Variants in SH3D19 observed in about 807,000 individuals in gnomAD.
The protein encoded by SH3D19 is SH3 domain-containing protein 19.
SH3D19 carries 58 observed loss-of-function variants against 112.1 expected under a neutral mutation model. The ratio of observed to expected loss-of-function variants is 0.52; its 90% CI spans 0.42 to 0.64. The LOEUF (loss-of-function observed/expected upper bound fraction) is 0.64. SH3D19 is among the 30% of genes least tolerant of loss of function. The pLI is 0.00. For missense variants in SH3D19, 1,090 were observed against 1,263.4 expected (o/e 0.86, Z 2.08); for synonymous variants, 391 against 448.5 (o/e 0.87, Z 1.62).
intron 1 of SH3D19, among the ~76,000 whole-genome samples, chr4:151,298,570 T>C (rs984189388): frequency 1.3e-5 from 2 of 152,184 alleles, no homozygotes; most frequent in Non-Finnish European, 2.9e-5. Context: ...GAGAGGCCTA[T>C]TAGATGTCGA....
chr4:151,167,125 T>C (rs919199741), intron 7 of SH3D19, among the ~76,000 whole-genome samples: 6 of 151,574 alleles, frequency 4.0e-5, no homozygotes, highest in African/African-American at 7.3e-5. Context: ...GTGAGGCTAG[T>C]CTTACGTTAA....
intron 1 of SH3D19, among the ~76,000 whole-genome samples, chr4:151,252,698 C>T (rs1195139437): frequency 6.6e-6 from 1 of 152,222 alleles, no homozygotes; most frequent in Non-Finnish European, 1.5e-5. Flanking sequence ...GCCTACTGGA[C>T]ATCTCCAGCT....
At chr4:151,214,254 T>C (rs1270996234) in intron 2 of SH3D19, among the ~76,000 whole-genome samples, 1 of 151,654 alleles carries the variant, frequency 6.6e-6, no homozygotes, top group Non-Finnish European at 1.5e-5. Flanking sequence ...ATGAAAAGTC[T>C]CCCATGTCTA....
rs1340037674 is a variant in SH3D19 at position 151,325,378 on chromosome 4, G to A, written c.-26C>T. 3.5e-6 allele frequency: 4 copies of A among 1,153,104 alleles called. No individual in the cohort carries two copies. Among genetic ancestry groups the A allele is most frequent in the Non-Finnish European group, 4.3e-6 (4 of 924,550 alleles). The allele number at this position is 1,153,104 out of a possible 1,614,324, so 71.4% of individuals were successfully genotyped here. A position where few individuals can be genotyped will look rare whatever the true frequency, so the allele number is the denominator to read the frequency against. ...GGGCGAGGCGCGGGGCGCAGCCGCG[G>A]GATGGCCAGCGAGCTGCGGCCCCGG... On this transcript the variant is annotated 5_prime_UTR_variant, in exon 1 of 20. Transcript: ENST00000604030.
At chr4:151,238,367 T>G (rs1185513355) in intron 1 of SH3D19, among the ~76,000 whole-genome samples, 1 of 152,230 alleles carries the variant, frequency 6.6e-6, no homozygotes, top group South Asian at 2.1e-4. Flanking sequence ...ATTAAAATTA[T>G]GATTTCAGGT....
Position 151,226,063 on chromosome 4 carries a change from C to T in SH3D19, c.136G>A (p.Glu46Lys), listed in dbSNP as rs953555160. 2.4e-6 allele frequency: 3 copies of T among 1,231,558 alleles called. No homozygotes were observed. The allele number at this position is 1,231,558 out of a possible 1,614,324, so 76.3% of individuals were successfully genotyped here. A position where few individuals can be genotyped will look rare whatever the true frequency, so the allele number is the denominator to read the frequency against. Reference sequence around the variant, plus strand: ...AATTCATACCTTGAAGAACGATGTTCTGGTTTATTTCGTTCGTTGCGATCT... The same window carrying T: ...AATTCATACCTTGAAGAACGATGTTTTGGTTTATTTCGTTCGTTGCGATCT... ...AADRNERNKP[E>K]HRSSSQGPLS... Residue 46 changes from glutamate to lysine, a missense_variant, in exon 2 of 20, where the codon GAA becomes AAA. Glu to Lys is a moderately conservative substitution (Grantham distance 56). Transcript: ENST00000604030.
intron 2 of SH3D19, among the ~76,000 whole-genome samples, chr4:151,217,559 G>C (rs1051304119): frequency 6.6e-6 from 1 of 151,992 alleles, no homozygotes; most frequent in Non-Finnish European, 1.5e-5. Context: ...ACTTGGAACA[G>C]TACCAAACAC....
chr4:151,147,817 A>G (rs1161063560), intron 11 of SH3D19, 105 bp downstream of exon 11: 20 of 1,421,016 alleles, frequency 1.4e-5, no homozygotes, highest in Non-Finnish European at 1.6e-5. Context: ...GCGTCAAGGG[A>G]CAATTCCACA....
At chr4:151,127,415 C>T (rs112747658) in intron 19 of SH3D19, among the ~76,000 whole-genome samples, 2,030 of 152,298 alleles carry the variant, frequency 0.013, 20 homozygotes, top group Non-Finnish European at 0.021. Flanking sequence ...TCTCTAAGTA[C>T]ATTAATGCCT....
chr4:151,298,790 T>C (rs1162752880), intron 1 of SH3D19, among the ~76,000 whole-genome samples: 3 of 152,226 alleles, frequency 2.0e-5, no homozygotes, highest in Non-Finnish European at 4.4e-5. Flanking sequence ...CAGAACATTA[T>C]ATATAATCAC....
chr4:151,155,719 C>G (rs1755977992), intron 9 of SH3D19, among the ~76,000 whole-genome samples: 1 of 152,056 alleles, frequency 6.6e-6, no homozygotes, highest in South Asian at 2.1e-4. Flanking sequence ...AACCCTGTCT[C>G]TACTAAAAAT....
At position 151,226,074 on chromosome 4, in the gene SH3D19, C is replaced by A. The variant is rs1413792551; in HGVS notation, c.125G>T (p.Arg42Leu). 1.9e-5 allele frequency: 23 copies of A among 1,231,528 alleles called. No homozygotes were observed. In the East Asian group the frequency reaches 5.7e-4, roughly 30 times the overall value. The allele number at this position is 1,231,528 out of a possible 1,614,324, so 76.3% of individuals were successfully genotyped here. A position where few individuals can be genotyped will look rare whatever the true frequency, so the allele number is the denominator to read the frequency against. Residue 42 changes from arginine (R) to leucine (L), a missense_variant, in exon 2 of 20, where the codon CGA (arginine) becomes CTA (leucine). Transcript: ENST00000604030. ...TGAAGAACGATGTTCTGGTTTATTT[C>A]GTTCGTTGCGATCTGTAGAGAAAGA... is the stretch of plus-strand genomic sequence containing the variant. ...SGHSAADRNE[R>L]NKPEHRSSSQ...
intron 1 of SH3D19, among the ~76,000 whole-genome samples, chr4:151,259,002 G>A (rs184878829): frequency 5.3e-5 from 8 of 152,176 alleles, no homozygotes; most frequent in Admixed American, 5.2e-4. Context: ...GCTGCACAGG[G>A]CATGGGTGAG....
chr4:151,315,990 A>C (rs1331474052), intron 1 of SH3D19, among the ~76,000 whole-genome samples: 1 of 152,132 alleles, frequency 6.6e-6, no homozygotes, highest in Non-Finnish European at 1.5e-5. Context: ...GGACTACTGC[A>C]ATGGGGTCTT....
chr4:151,122,523 A>ACACACACC (rs1554028093), intron 19 of SH3D19, among the ~76,000 whole-genome samples: 1,566 of 151,718 alleles, frequency 0.01, 11 homozygotes, highest in Non-Finnish European at 0.016. Flanking sequence ...ACACACACAC[A>ACACACACC]CACACACACA....
Position 151,213,594 on chromosome 4 carries a change from G to A in SH3D19, c.152+12453C>T, listed in dbSNP as rs144950890. ...TAGGAGGTCAAGGCTGCAGTGAGCC[G>A]TGACTGCACCACAGCATTCCAGCCT... On this transcript the variant is annotated intron_variant, in intron 2 of 19. Coordinates refer to ENST00000604030, the MANE Select transcript of SH3D19 (RefSeq NM_001378122.1). 1.1e-3 allele frequency among the ~76,000 whole-genome samples: 168 copies of A among 152,214 alleles called. 1 individual carries two copies. Among genetic ancestry groups the A allele is most frequent in the East Asian group, 6.0e-3 (31 of 5,168 alleles).
chr4:151,246,172 TACTC>T (rs914102426), intron 1 of SH3D19, among the ~76,000 whole-genome samples: 3 of 152,072 alleles, frequency 2.0e-5, no homozygotes, highest in East Asian at 1.9e-4. Context: ...AAAAGGCAAA[TACTC>T]ACATAAAATT....
At chr4:151,236,948 G>A (rs924533227) in intron 1 of SH3D19, among the ~76,000 whole-genome samples, 3 of 152,188 alleles carry the variant, frequency 2.0e-5, no homozygotes, top group African/African-American at 7.2e-5. Context: ...ATGTGGGTGG[G>A]GCCAGATAAG....
intron 1 of SH3D19, among the ~76,000 whole-genome samples, chr4:151,243,634 G>A (rs12509302): frequency 0.26 from 39,481 of 152,066 alleles, 5,450 homozygotes; most frequent in African/African-American, 0.35. Context: ...AACACAAATG[G>A]CTAATTATTA....
Sources: gnomAD v4.1 joint callset for allele counts (sites outside exome capture counted in the v4.1 genomes callset) on GRCh38, gnomAD v4.1.1 for gene constraint, MANE v1.5 for transcripts, NCBI Gene and HGNC (gene_info 2026-07-23, HGNC 2026-07-21) for gene names.